ETV5: variants seen among roughly 807,000 people sequenced by gnomAD.
ETV5 encodes ETS translocation variant 5.
ETV5 carries 10 observed loss-of-function variants against 70.0 expected under a neutral mutation model. That is an observed-to-expected ratio of 0.14 (90% CI 0.09 to 0.24). ETV5 has a LOEUF of 0.24. Ranked by LOEUF, ETV5 falls within the 10% of genes least tolerant of loss-of-function variation. The pLI is 1.00. For synonymous variants in ETV5, 216 were observed against 242.2 expected, an observed-to-expected ratio of 0.89 and a Z score of 1.01; for missense variants, 453 against 651.2, an observed-to-expected ratio of 0.70 and a Z score of 3.31.
At chr3:186,055,265 G>C in intron 11 of ETV5, among the ~76,000 whole-genome samples, 1 of 152,084 alleles carries the variant, frequency 6.6e-6, no homozygotes. Context: ...AATCAATAAG[G>C]GCTGCCCACA....
chr3:186,072,040 T>C (rs1464568213), intron 7 of ETV5, among the ~76,000 whole-genome samples: 1 of 148,654 alleles, frequency 6.7e-6, no homozygotes, highest in East Asian at 2.1e-4. Context: ...CCTCAAGTGA[T>C]CCACACACCT....
chr3:186,053,546 A>G (rs1191349285), intron 11 of ETV5, among the ~76,000 whole-genome samples: 1 of 152,230 alleles, frequency 6.6e-6, no homozygotes, highest in Non-Finnish European at 1.5e-5. Flanking sequence ...GACCTTTCAT[A>G]AAAGCCAAAA....
chr3:186,073,130 TCAAAACAAAA>T (rs774549778), intron 7 of ETV5, among the ~76,000 whole-genome samples: 2 of 152,090 alleles, frequency 1.3e-5, no homozygotes, highest in South Asian at 2.1e-4. Flanking sequence ...AGACTCCGTC[TCAAAACAAAA>T]CAAAACAAAA....
Position 186,057,004 on chromosome 3 carries a change from G to A in ETV5, c.1209+71C>T. The A allele has an allele frequency of 6.4e-7, 1 of 1,555,056 alleles. No individual in the cohort carries two copies. Among genetic ancestry groups the A allele is most frequent in the East Asian group, 2.3e-5 (1 of 44,092 alleles). On this transcript the variant is annotated intron_variant, in intron 11 of 12. Transcript: ENST00000306376. This position sits in a 1 kb window ranked among gnomAD's most constrained non-coding sequence, Gnocchi z 4.9. ...AGACTTGACACAAAAAGCCTCAATG[G>A]AAATCTAAACAAAAAACATCATCAA...
At chr3:186,085,501 GCCTT>G (rs1286334694) in intron 5 of ETV5, among the ~76,000 whole-genome samples, 1 of 144,524 alleles carries the variant, frequency 6.9e-6, no homozygotes, top group African/African-American at 2.6e-5. Context: ...GACTCCAGTA[GCCTT>G]CGTTTTTTTT....
chr3:186,065,310 A>G (rs139226400), intron 8 of ETV5, among the ~76,000 whole-genome samples: 2 of 152,202 alleles, frequency 1.3e-5, no homozygotes, highest in East Asian at 3.9e-4. Flanking sequence ...TGTTCATGCT[A>G]CTCCTGAGAA....
chr3:186,047,094 G>T lies in ETV5; in HGVS notation c.*1545C>A. ...TCAGCACTGCCTCCTTCACATACGA[G>T]GAACAGTGTAGTCATTCTTAATGTA... is the stretch of plus-strand genomic sequence containing the variant. On this transcript the variant is annotated 3_prime_UTR_variant, in exon 13 of 13. Transcript: ENST00000306376. The T allele has an allele frequency of 4.4e-6, 1 of 228,374 alleles. No individual in the cohort carries two copies. The highest frequency in any genetic ancestry group is 8.7e-6 in the Non-Finnish European group (1 of 114,664). 14.1% of individuals were successfully genotyped at this position (228,374 alleles called of 1,614,324 possible).
At chr3:186,070,414 T>C (rs1713603365) in intron 7 of ETV5, among the ~76,000 whole-genome samples, 1 of 152,174 alleles carries the variant, frequency 6.6e-6, no homozygotes, top group Non-Finnish European at 1.5e-5. Context: ...CAGGAAAAGG[T>C]ACTTCCACAT....
At chr3:186,086,590 G>A (rs1269834057) in intron 5 of ETV5, among the ~76,000 whole-genome samples, 1 of 152,114 alleles carries the variant, frequency 6.6e-6, no homozygotes, top group East Asian at 1.9e-4. Context: ...AAAACAATGT[G>A]AAATTAAAAG....
At chr3:186,053,165 G>A (rs1317896201) in intron 11 of ETV5, among the ~76,000 whole-genome samples, 2 of 152,094 alleles carry the variant, frequency 1.3e-5, no homozygotes, top group Non-Finnish European at 2.9e-5. Flanking sequence ...GCAGTGGCAC[G>A]ATCATGGCTC....
chr3:186,105,649 T>C lies in ETV5; in HGVS notation c.109A>G (p.Thr37Ala). ...CCTTCAGAATCGTGAGCCAGATCTG[T>C]GTCCAAAAACTTCCTCTTTCTGTCA... ...VIDRKRKFLDTDLAHDSEELF... is the reference protein window; with the variant it reads ...VIDRKRKFLDADLAHDSEELF... Residue 37 changes from threonine (T) to alanine (A), a missense_variant, in exon 3 of 13, where the codon ACA becomes GCA. Around this residue, in one of 4 missense-constraint regions of ETV5, gnomAD observed 47 missense variants for 96.8 expected, o/e 0.49. Transcript: ENST00000306376. This position sits in a 1 kb window ranked among gnomAD's most constrained non-coding sequence, Gnocchi z 4.5. The C allele has an allele frequency of 6.2e-7, 1 of 1,614,198 alleles. No individual in the cohort carries two copies. The highest frequency in any genetic ancestry group is 1.1e-5 in the South Asian group (1 of 91,084).
At chr3:186,098,461 A>C (rs1007313058) in intron 5 of ETV5, among the ~76,000 whole-genome samples, 1 of 152,120 alleles carries the variant, frequency 6.6e-6, no homozygotes, top group African/African-American at 2.4e-5. Context: ...CTGGCTGCAG[A>C]GGAGGGGACA....
At chr3:186,066,320 G>A (rs1161711603) in intron 7 of ETV5, among the ~76,000 whole-genome samples, 1 of 137,170 alleles carries the variant, frequency 7.3e-6, no homozygotes, top group Non-Finnish European at 1.5e-5. Flanking sequence ...TTCCATGTAT[G>A]TATATTTTAT....
At chr3:186,092,111 C>A (rs1350912248) in intron 5 of ETV5, among the ~76,000 whole-genome samples, 45 of 152,178 alleles carry the variant, frequency 3.0e-4, no homozygotes, top group Admixed American at 2.9e-3. Flanking sequence ...TGAAAGGCAG[C>A]ATAGAGACTA....
chr3:186,048,559 A>C lies in ETV5; in HGVS notation c.*80T>G. 1 of 1,342,310 alleles carries C rather than the reference A, an allele frequency of 7.4e-7. No homozygotes were observed. Among genetic ancestry groups the C allele is most frequent in the Non-Finnish European group, 1.1e-6 (1 of 945,696 alleles). The allele number at this position is 1,342,310 out of a possible 1,614,324, so 83.1% of individuals were successfully genotyped here. Reference sequence around the variant, plus strand: ...GGGCAAGCTTTAGGAACAACCAAAAACACAAACAAAACCACTGCCCTTGTT... The same window carrying C: ...GGGCAAGCTTTAGGAACAACCAAAACCACAAACAAAACCACTGCCCTTGTT... On this transcript the variant is annotated 3_prime_UTR_variant, in exon 13 of 13. Transcript: ENST00000306376.
At chr3:186,081,201 G>T (rs1173692653) in intron 5 of ETV5, 26 bp from the exon 6 acceptor site, 2 of 1,597,718 alleles carry the variant, frequency 1.3e-6, no homozygotes, top group Admixed American at 1.7e-5. Flanking sequence ...GGATGAGAGG[G>T]GAATAGAGAG....
At chr3:186,072,823 A>G (rs1470226711) in intron 7 of ETV5, among the ~76,000 whole-genome samples, 1 of 152,222 alleles carries the variant, frequency 6.6e-6, no homozygotes, top group Non-Finnish European at 1.5e-5. Flanking sequence ...TGGTGAAAGT[A>G]TTAGTTGTAG....
At chr3:186,091,019 G>A (rs544802567) in intron 5 of ETV5, among the ~76,000 whole-genome samples, 1 of 152,292 alleles carries the variant, frequency 6.6e-6, no homozygotes, top group Admixed American at 6.5e-5. Context: ...GGACCTTAGT[G>A]TGGAATCAAG....
At position 186,047,179 on chromosome 3, in the gene ETV5, T is replaced by C. The variant is rs1228152216; in HGVS notation, c.*1460A>G. 8.7e-6 allele frequency: 2 copies of C among 229,032 alleles called. No individual in the cohort carries two copies. The highest frequency in any genetic ancestry group is 1.7e-5 in the Non-Finnish European group (2 of 115,164). The allele number at this position is 229,032 out of a possible 1,614,324, so 14.2% of individuals were successfully genotyped here. A position where few individuals can be genotyped will look rare whatever the true frequency, so the allele number is the denominator to read the frequency against. On this transcript the variant is annotated 3_prime_UTR_variant, in exon 13 of 13. Coordinates refer to ENST00000306376, the MANE Select transcript of ETV5 (RefSeq NM_004454.3). ...AGAGCAGGCAGCAAGGTACCACCAG[T>C]AACTTTTCCTCTACTTTGAGCTCAA... is the stretch of plus-strand genomic sequence containing the variant.
Sources: gnomAD v4.1 joint callset for allele counts (sites outside exome capture counted in the v4.1 genomes callset) on GRCh38, gnomAD v4.1.1 for gene constraint, gnomAD v4.1.1 regional missense constraint, Gnocchi (gnomAD v3.1) non-coding constraint, MANE v1.5 for transcripts, NCBI Gene and HGNC (gene_info 2026-07-23, HGNC 2026-07-21) for gene names.